HPSE: variants seen among roughly 807,000 people sequenced by gnomAD.
The protein encoded by HPSE is endo-glucoronidase.
In HPSE, 48 loss-of-function variants were observed where a neutral mutation model predicts 65.1. That is an observed-to-expected ratio of 0.74 (90% CI 0.58 to 0.94). The LOEUF is 0.94. Among genes scored for constraint, HPSE ranks in the 40% least tolerant of loss-of-function variants. The pLI, the probability that HPSE is intolerant of heterozygous loss-of-function variation, is 0.00. For synonymous variants in HPSE, 243 were observed against 260.0 expected (o/e 0.93, Z 0.63); for missense variants, 644 against 637.5 (o/e 1.01, Z -0.11).
chr4:83,309,534 A>C, intron 6 of HPSE, 39 bp from the exon 7 acceptor site: 1 of 1,132,946 alleles, frequency 8.8e-7, no homozygotes, highest in Non-Finnish European at 1.3e-6. Flanking sequence ...AAAATAACAA[A>C]TTTTACTTTC....
intron 9 of HPSE, among the ~76,000 whole-genome samples, chr4:83,303,482 A>G (rs1048066905): frequency 6.6e-6 from 1 of 152,204 alleles, no homozygotes; most frequent in African/African-American, 2.4e-5. Flanking sequence ...ATTTGGTGAT[A>G]CTAAGGAATT....
At chr4:83,308,981 T>C in intron 7 of HPSE, 30 bp from the exon 8 acceptor site, 1 of 1,582,508 alleles carries the variant, frequency 6.3e-7, no homozygotes, top group Non-Finnish European at 8.7e-7. Context: ...CCATGGTAAT[T>C]GCAAAAAAGC....
At chr4:83,302,330 T>C in intron 9 of HPSE, 62 bp from the exon 10 acceptor site, 1 of 1,011,750 alleles carries the variant, frequency 9.9e-7, no homozygotes, top group Non-Finnish European at 1.6e-6. Context: ...CCTTATTTAA[T>C]GAAACCAGTG....
intron 1 of HPSE, among the ~76,000 whole-genome samples, chr4:83,330,805 C>T (rs939633502): frequency 2.0e-5 from 3 of 151,992 alleles, no homozygotes; most frequent in South Asian, 2.1e-4. Context: ...TTTTTTTTAC[C>T]GTGCATTAGT....
At chr4:83,334,965 C>T (rs1039531878), upstream of HPSE, 3 of 946,806 alleles carry the variant, frequency 3.2e-6, no homozygotes, top group South Asian at 3.8e-5. Context: ...TCCCACTGCT[C>T]CCAATCCAAC....
chr4:83,315,371 A>G (rs7691732), intron 3 of HPSE, among the ~76,000 whole-genome samples: 121,127 of 151,992 alleles, frequency 0.8, 48,425 homozygotes, highest in East Asian at 0.87. Context: ...CCACAGTTTA[A>G]GGCAGTATGG....
chr4:83,319,614 A>C, intron 2 of HPSE, 145 bp from the exon 3 acceptor site: 1 of 790,094 alleles, frequency 1.3e-6, no homozygotes, highest in African/African-American at 1.8e-5. Context: ...GAAAAGGTAT[A>C]TTCTGTAACA....
intron 1 of HPSE, among the ~76,000 whole-genome samples, chr4:83,323,950 C>A (rs1465266363): frequency 6.6e-6 from 1 of 152,038 alleles, no homozygotes; most frequent in Non-Finnish European, 1.5e-5. Context: ...TCTGAAGTAT[C>A]AAACATGCAA....
intron 2 of HPSE, 83 bp from the exon 3 acceptor site, chr4:83,319,552 T>G: frequency 7.2e-7 from 1 of 1,382,318 alleles, no homozygotes. Flanking sequence ...GTTAGCTATT[T>G]ATGTGACTAA....
In HPSE at chr4:83,302,192, C is replaced by G; in HGVS notation, c.1283G>C (p.Arg428Thr). ...ATGAAGGTATACTCGAAGCTTCCTT[C>G]TCTTTGAACCTTGCACGCTTGCCAT... ...VLMASVQGSK[R>T]RKLRVYLHCT... Residue 428 changes from arginine to threonine, a missense_variant, in exon 10 of 12, where the codon AGA becomes ACA. Transcript: ENST00000311412. The G allele has an allele frequency of 2.5e-6, 4 of 1,613,926 alleles. No individual in the cohort carries two copies. Among genetic ancestry groups the G allele is most frequent in the South Asian group, 1.1e-5 (1 of 91,080 alleles).
intron 1 of HPSE, among the ~76,000 whole-genome samples, chr4:83,324,285 C>G (rs12647963): frequency 0.31 from 46,857 of 151,732 alleles, 7,808 homozygotes; most frequent in East Asian, 0.44. Context: ...CCACACCTGG[C>G]CAAATTGCCA....
At chr4:83,303,931 A>T (rs1367495024) in intron 9 of HPSE, among the ~76,000 whole-genome samples, 1 of 152,214 alleles carries the variant, frequency 6.6e-6, no homozygotes, top group Non-Finnish European at 1.5e-5. Context: ...ATTAAACAAG[A>T]TCAAAGTATG....
chr4:83,322,768 C>G (rs1263355343), intron 1 of HPSE, among the ~76,000 whole-genome samples: 2 of 150,232 alleles, frequency 1.3e-5, no homozygotes, highest in Non-Finnish European at 3.0e-5. Flanking sequence ...ATTTGTAGCT[C>G]TAATTCTGGC....
rs777547498 is a variant in HPSE, at chr4:83,319,434, C to T, written c.409G>A (p.Glu137Lys). ...GGCCATTCCAACCGTAACTTCTCCT[C>T]CACATCAGGAGGGATGGATCCATAT... The part of the protein sequence containing the change: ...CKYGSIPPDV[E>K]EKLRLEWPYQ... The change falls in exon 3 of 12, where the codon GAG becomes AAG. Residue 137 changes from glutamate (E) to lysine (K), a missense_variant. Physicochemically the swap from Glu to Lys is moderately conservative, Grantham distance 56. Transcript: ENST00000311412. 3.1e-6 allele frequency: 5 copies of T among 1,613,788 alleles called. No homozygotes were observed. The South Asian group carries it at 3.3e-5, about 11-fold the overall frequency.
At chr4:83,306,176 A>G (rs1736139613) in intron 9 of HPSE, 27 bp downstream of exon 9, 2 of 1,377,476 alleles carry the variant, frequency 1.5e-6, no homozygotes, top group African/African-American at 1.4e-5. Context: ...CTACTCCACT[A>G]GAATTAGGAA....
In HPSE at chr4:83,306,178, A is replaced by T; in HGVS notation, c.1206+25T>A. ...AGTTGACTTTAATCTACTCCACTAGAATTAGGAAAATAATGGTCACTTACA... is the reference window on the plus strand; with the variant it reads ...AGTTGACTTTAATCTACTCCACTAGTATTAGGAAAATAATGGTCACTTACA... On this transcript the variant is annotated intron_variant, in intron 9 of 11. Transcript: ENST00000311412. The T allele has an allele frequency of 2.9e-6, 4 of 1,399,422 alleles. No homozygotes were observed. The South Asian group carries it at 4.6e-5, about 16-fold the overall frequency. 86.7% of individuals were successfully genotyped at this position (1,399,422 alleles called of 1,614,324 possible).
intron 5 of HPSE, 148 bp from the exon 6 acceptor site, chr4:83,310,226 C>G: frequency 1.7e-6 from 1 of 584,496 alleles, no homozygotes; most frequent in Non-Finnish European, 3.0e-6. Context: ...CAAATTTTAT[C>G]ATAGGTGACA....
At chr4:83,322,160 C>T in intron 2 of HPSE, 59 bp downstream of exon 2, 2 of 1,436,804 alleles carry the variant, frequency 1.4e-6, no homozygotes, top group Admixed American at 3.6e-5. Context: ...TTTCTCAAAG[C>T]ATTCTCATGA....
At position 83,310,883 on chromosome 4, in the gene HPSE, G is replaced by C; in HGVS notation, c.681C>G (p.Asn227Lys). Residue 227 changes from asparagine (N) to lysine (K), a missense_variant, in exon 5 of 12, where the codon AAC becomes AAG. Coordinates refer to ENST00000311412, the MANE Select transcript of HPSE (RefSeq NM_001098540.3). ...AAATATCAGCCTTCTTAAGGAAACT[G>C]TTAGGTTCTGAAAGACAGCAATTCT... ...NISWELGNEPNSFLKKADIFI... is the reference protein window; with the variant it reads ...NISWELGNEPKSFLKKADIFI... The C allele has an allele frequency of 6.2e-7, 1 of 1,611,478 alleles. No homozygotes were observed. The highest frequency in any genetic ancestry group is 8.5e-7 in the Non-Finnish European group (1 of 1,178,312).
Sources: allele counts gnomAD v4.1 joint callset (sites outside exome capture counted in the v4.1 genomes callset), GRCh38; gene constraint gnomAD v4.1.1; transcripts MANE v1.5; gene names NCBI Gene and HGNC (gene_info 2026-07-23, HGNC 2026-07-21).